The following SERPINI2 variants were observed in gnomAD, a reference collection of about 807,000 sequenced individuals.
The protein encoded by SERPINI2 is serpin family I member 2.
In SERPINI2, 48 loss-of-function variants were observed where a neutral mutation model predicts 47.3. That is an observed-to-expected ratio of 1.02 (90% CI 0.81 to 1.29). The LOEUF (loss-of-function observed/expected upper bound fraction) is 1.29. SERPINI2 is among the 50% of genes most tolerant of loss of function. The probability of loss-of-function intolerance (pLI) is 0.00; values close to 1 mark genes in which losing one functional copy is unlikely to be tolerated. For missense variants in SERPINI2, 448 were observed against 456.9 expected (o/e 0.98, Z 0.18); for synonymous variants, 135 against 149.3 (o/e 0.90, Z 0.70).
chr3:167,473,838 G>A, intron 1 of SERPINI2, 165 bp downstream of exon 1: 2 of 1,355,964 alleles, frequency 1.5e-6, no homozygotes, highest in South Asian at 3.6e-5. Context: ...CTGATTTGTG[G>A]TGAAATCATT....
chr3:167,465,461 T>A lies in SERPINI2; in HGVS notation c.673+18A>T. ...AATTCTCAAGACTATGCTTAGGAACTGTGGTTTCTCACATTACCATATTTT... is the reference window on the plus strand; with the variant it reads ...AATTCTCAAGACTATGCTTAGGAACAGTGGTTTCTCACATTACCATATTTT... On this transcript the variant is annotated intron_variant, in intron 4 of 8. Transcript: ENST00000264677. 6.2e-7 allele frequency: 1 copy of A among 1,610,758 alleles called. No homozygotes were observed.
chr3:167,446,410 T>C (rs757710564), exon 8 of SERPINI2: 2 of 1,608,572 alleles, frequency 1.2e-6, no homozygotes, highest in Non-Finnish European at 1.7e-6. Context: ...TTATGCTTCA[T>C]AATAAACAGA....
intron 8 of SERPINI2, 149 bp downstream of exon 8, chr3:167,446,243 C>A: frequency 1.9e-6 from 1 of 533,402 alleles, no homozygotes. Context: ...TCGGTCATCT[C>A]TTAAAATACA....
chr3:167,462,130 A>C (rs1359222779), intron 5 of SERPINI2, among the ~76,000 whole-genome samples: 2 of 152,222 alleles, frequency 1.3e-5, no homozygotes, highest in African/African-American at 4.8e-5. Flanking sequence ...ATTTGGTACA[A>C]GAAATAGTCT....
intron 3 of SERPINI2, 73 bp downstream of exon 3, chr3:167,466,982 T>C: frequency 9.8e-7 from 1 of 1,020,818 alleles, no homozygotes; most frequent in Admixed American, 2.4e-5. Context: ...TATTCAGCCA[T>C]TCTTTACTTT....
intron 2 of SERPINI2, 33 bp from the exon 3 acceptor site, chr3:167,467,318 T>A (rs1340373393): frequency 2.7e-6 from 4 of 1,469,378 alleles, no homozygotes; most frequent in Non-Finnish European, 9.4e-7. Context: ...ATTGGCATAT[T>A]GAACAACATA....
chr3:167,468,613 TA>T (rs1236794691), intron 2 of SERPINI2, among the ~76,000 whole-genome samples: 9 of 152,024 alleles, frequency 5.9e-5, no homozygotes, highest in Admixed American at 2.0e-4. Flanking sequence ...ATTTCAGATA[TA>T]AAAAAAACTT....
chr3:167,444,872 T>G (rs1749429411), intron 8 of SERPINI2, among the ~76,000 whole-genome samples: 1 of 152,180 alleles, frequency 6.6e-6, no homozygotes, highest in Admixed American at 6.5e-5. Context: ...CCTTTGCATA[T>G]AACAAGTCAT....
chr3:167,449,740 G>A (rs1036307053), intron 6 of SERPINI2, among the ~76,000 whole-genome samples: 5 of 152,090 alleles, frequency 3.3e-5, no homozygotes, highest in Middle Eastern at 3.2e-3. Context: ...TGATCCACCC[G>A]CCTTGGCCTC....
At chr3:167,456,150 C>CTGTGTGTGTGTGTGTGTG (rs68048909) in intron 5 of SERPINI2, among the ~76,000 whole-genome samples, 5 of 144,404 alleles carry the variant, frequency 3.5e-5, no homozygotes, top group African/African-American at 5.1e-5. Context: ...TCAATTACCT[C>CTGTGTGTGTGTGTGTGTG]TGTGTGTGTG....
chr3:167,444,300 A>G (rs1749408574), intron 8 of SERPINI2, among the ~76,000 whole-genome samples: 1 of 152,154 alleles, frequency 6.6e-6, no homozygotes, highest in African/African-American at 2.4e-5. Flanking sequence ...TTAGCTTAGT[A>G]AGGGCTTTAG....
At chr3:167,468,308 G>GAT (rs1560236515) in intron 2 of SERPINI2, among the ~76,000 whole-genome samples, 1 of 151,998 alleles carries the variant, frequency 6.6e-6, no homozygotes, top group African/African-American at 2.4e-5. Flanking sequence ...AAATAAGGAG[G>GAT]ATGTGTGTGT....
intron 6 of SERPINI2, 89 bp downstream of exon 6, chr3:167,452,847 A>C: frequency 1.3e-6 from 1 of 744,190 alleles, no homozygotes; most frequent in East Asian, 2.7e-5. Flanking sequence ...ATCAGAGCTG[A>C]ATGCTCTTTC....
chr3:167,471,798 A>G, exon 2 of SERPINI2: 1 of 1,612,812 alleles, frequency 6.2e-7, no homozygotes, highest in South Asian at 1.1e-5. Context: ...CTTCCAAAAA[A>G]CAGCAATAGA....
At chr3:167,467,136 T>C in exon 3 of SERPINI2, 1 of 1,613,570 alleles carries the variant, frequency 6.2e-7, no homozygotes, top group Non-Finnish European at 8.5e-7. Context: ...TTTATAGCAC[T>C]CTGAAAAAAT....
rs536884425 is a variant in SERPINI2 at position 167,470,550 on chromosome 3, C to CTTTTTTTTTTTTTTTTT, written c.247+1021_247+1037dup. Among the ~76,000 whole-genome samples the CTTTTTTTTTTTTTTTTT allele has an allele frequency of 3.7e-4, 34 of 93,034 alleles. 1 individual carries two copies. Among genetic ancestry groups the CTTTTTTTTTTTTTTTTT allele is most frequent in the African/African-American group, 1.8e-3 (32 of 17,626 alleles). 61.0% of individuals were successfully genotyped at this position (93,034 alleles called of 152,430 possible). On this transcript the variant is annotated intron_variant, in intron 2 of 8. Coordinates refer to ENST00000264677, the Ensembl canonical transcript of SERPINI2. ...AGATAGCTGAGGAGATGAGCAACAACTTTTTTTTTTTTTTTTTTTTTTTTT... is the reference window on the plus strand; with the variant it reads ...AGATAGCTGAGGAGATGAGCAACAACTTTTTTTTTTTTTTTTTTTTTTTTTTTTTTTTTTTTTTTTTT...
intron 3 of SERPINI2, 119 bp from the exon 4 acceptor site, chr3:167,465,792 TA>T (rs1750116987): frequency 2.7e-6 from 2 of 735,402 alleles, no homozygotes; most frequent in Non-Finnish European, 4.3e-6. Flanking sequence ...TAGGGCATGT[TA>T]TCATCTAAAT....
At chr3:167,451,551 T>C (rs937830896) in intron 6 of SERPINI2, among the ~76,000 whole-genome samples, 37 of 152,354 alleles carry the variant, frequency 2.4e-4, no homozygotes, top group Non-Finnish European at 1.5e-5. Flanking sequence ...ACCAAAATGG[T>C]TAAAACAGCT....
At chr3:167,458,245 CTTT>C (rs949215365) in intron 5 of SERPINI2, among the ~76,000 whole-genome samples, 9 of 105,204 alleles carry the variant, frequency 8.6e-5, no homozygotes, top group East Asian at 5.5e-4. Flanking sequence ...GAATTTCTTT[CTTT>C]TTTTTTTTTT....
Sources: allele counts gnomAD v4.1 joint callset (sites outside exome capture counted in the v4.1 genomes callset), GRCh38; gene constraint gnomAD v4.1.1; transcripts MANE v1.5; gene names NCBI Gene and HGNC (gene_info 2026-07-23, HGNC 2026-07-21).